TLR1: variants seen among roughly 807,000 people sequenced by gnomAD.
The protein encoded by TLR1 is toll-like receptor 1.
Under a neutral mutation model 20.2 loss-of-function variants are expected in TLR1, and 19 were observed. The observed-to-expected ratio is 0.94, with a 90% confidence interval of 0.66 to 1.38. TLR1 has a LOEUF of 1.38. TLR1 is among the 40% of genes most tolerant of loss of function. The pLI, the probability that TLR1 is intolerant of heterozygous loss-of-function variation, is 0.00. For missense variants in TLR1, 921 were observed against 910.0 expected, an observed-to-expected ratio of 1.01 and a Z score of -0.16; for synonymous variants, 320 against 334.5, an observed-to-expected ratio of 0.96 and a Z score of 0.47.
downstream of TLR1, among the ~76,000 whole-genome samples, chr4:38,788,774 A>ATTGGCCT (rs1725656073): frequency 6.6e-6 from 1 of 152,220 alleles, no homozygotes; most frequent in Non-Finnish European, 1.5e-5. Context: ...TGGGAGGCCA[A>ATTGGCCT]GGCAGGAGGA....
At chr4:38,799,497 C>A (rs1386002164) in intron 3 of TLR1, among the ~76,000 whole-genome samples, 3 of 152,146 alleles carry the variant, frequency 2.0e-5, no homozygotes, top group Non-Finnish European at 4.4e-5. Flanking sequence ...TCGACTTCTG[C>A]TCTCCAGAAC....
chr4:38,802,695 T>C (rs575851107), intron 2 of TLR1, among the ~76,000 whole-genome samples: 1 of 152,312 alleles, frequency 6.6e-6, no homozygotes, highest in East Asian at 1.9e-4. Flanking sequence ...ATCTAAAACT[T>C]CTTAATAAAC....
At chr4:38,790,730 C>T (rs1450227016), downstream of TLR1, 1 of 151,674 alleles carries the variant, frequency 6.6e-6, no homozygotes, top group African/African-American at 2.4e-5. Context: ...CAGAGTTAGG[C>T]TTTTACTTAT....
At chr4:38,790,074 C>T (rs1313694536), downstream of TLR1, among the ~76,000 whole-genome samples, 1 of 152,212 alleles carries the variant, frequency 6.6e-6, no homozygotes, top group Non-Finnish European at 1.5e-5. Flanking sequence ...AATCACCTCT[C>T]TCAAATTACT....
Position 38,798,851 on chromosome 4 carries a change from C to T in TLR1, c.-20G>A. On this transcript the variant is annotated 5_prime_UTR_variant, in exon 4 of 4. Coordinates refer to ENST00000308979, the MANE Select transcript of TLR1 (RefSeq NM_003263.4). ...AGTCATTTTGGAACACTAGACATTC[C>T]TAAAGGTAGAAGCTGTTCTTCAGAT... The T allele has an allele frequency of 6.5e-7, 1 of 1,540,846 alleles. No individual in the cohort carries two copies. The highest frequency in any genetic ancestry group is 8.8e-7 in the Non-Finnish European group (1 of 1,140,514).
At position 38,798,114 on chromosome 4, in the gene TLR1, G is replaced by A. The variant is rs753554650; in HGVS notation, c.718C>T (p.Leu240Phe). The A allele has an allele frequency of 7.4e-6, 12 of 1,613,650 alleles. No individual in the cohort carries two copies. The highest frequency in any genetic ancestry group is 6.8e-6 in the Non-Finnish European group (8 of 1,179,690). The stretch of plus-strand genomic sequence containing the variant: ...TTTGATAACTTTGGATTTGTTTGAA[G>A]TTTCGCCAGAATACTTAGGAAGTAA... ...CSYFLSILAK[L>F]QTNPKLSNLT... The change falls in exon 4 of 4, where the codon CTT becomes TTT. Residue 240 changes from leucine (L) to phenylalanine (F), a missense_variant. Transcript: ENST00000308979.
At chr4:38,790,649 T>A (rs906262907), downstream of TLR1, 10 of 152,246 alleles carry the variant, frequency 6.6e-5, no homozygotes, top group Admixed American at 2.6e-4. Context: ...TATTATTATT[T>A]TTTTTGATAA....
chr4:38,799,489 G>A (rs751947799), intron 3 of TLR1, among the ~76,000 whole-genome samples: 6 of 152,106 alleles, frequency 3.9e-5, no homozygotes, highest in Admixed American at 1.3e-4. Context: ...CTTGAGTTTC[G>A]ACTTCTGCTC....
downstream of TLR1, among the ~76,000 whole-genome samples, chr4:38,791,687 T>A (rs73142688): frequency 0.032 from 4,945 of 152,340 alleles, 109 homozygotes; most frequent in African/African-American, 0.053. Flanking sequence ...CAGTTCCATA[T>A]TTGTTGGTAT....
chr4:38,800,234 G>A (rs1726543528), intron 3 of TLR1, among the ~76,000 whole-genome samples: 1 of 152,176 alleles, frequency 6.6e-6, no homozygotes, highest in African/African-American at 2.4e-5. Context: ...GAAGGAACGG[G>A]AAGGTCAATG....
rs763705122 is a variant in TLR1 at position 38,797,803 on chromosome 4, G to A, written c.1029C>T (p.Cys343=). 1 of 1,614,060 alleles carries A rather than the reference G, an allele frequency of 6.2e-7. No individual in the cohort carries two copies. The highest frequency in any genetic ancestry group is 1.1e-5 in the South Asian group (1 of 91,076). The stretch of plus-strand genomic sequence containing the variant: ...GCAGGAACGGGCTAATTTTGGATGG[G>A]CAAAGCATGTGGACCATGCGTGTAC... ...VSGTRMVHML[C]PSKISPFLHL... Residue 343 remains cysteine (C), a synonymous_variant, in exon 4 of 4, where the codon TGC becomes TGT. Transcript: ENST00000308979.
downstream of TLR1, among the ~76,000 whole-genome samples, chr4:38,796,101 G>T (rs1316776618): frequency 2.0e-5 from 3 of 152,158 alleles, no homozygotes; most frequent in Non-Finnish European, 1.5e-5. Context: ...GTAGAAATCT[G>T]CTATACAAAC....
In TLR1 at chr4:38,797,705, G is replaced by A; in HGVS notation, c.1127C>T (p.Thr376Ile). The A allele has an allele frequency of 6.2e-7, 1 of 1,613,852 alleles. No individual in the cohort carries two copies. ...TAATTGATTCATTTGTAAAATAAGT[G>A]TCTCCAACTCAGTAAGGTGCCCACA... The part of the protein sequence containing the change: ...ENCGHLTELE[T>I]LILQMNQLKE... Residue 376 changes from threonine (T) to isoleucine (I), a missense_variant, in exon 4 of 4, where the codon ACA becomes ATA. Physicochemically the swap from Thr to Ile is moderately conservative, Grantham distance 89 (BLOSUM62 -1). Coordinates refer to ENST00000308979, the MANE Select transcript of TLR1 (RefSeq NM_003263.4).
rs1560457109 is a variant in TLR1, at chr4:38,797,126, T to A, written c.1706A>T (p.Asp569Val). The A allele has an allele frequency of 2.5e-6, 4 of 1,614,120 alleles. No homozygotes were observed. The highest frequency in any genetic ancestry group is 1.3e-5 in the African/African-American group (1 of 74,946). Residue 569 changes from aspartate to valine, a missense_variant, in exon 4 of 4, where the codon GAC becomes GTC. Physicochemically the swap from Asp to Val is radical, Grantham distance 152 (BLOSUM62 -3). Transcript: ENST00000308979. ...PESYRGTLLK[D>V]FHMSELSCNI... is the part of the protein sequence containing the mutation. ...GCAGGATAATTCAGACATGTGAAAG[T>A]CCTTTAGTAGGGTTCCTCTATAACT...
downstream of TLR1, chr4:38,796,146 A>G (rs924466612): frequency 2.7e-5 from 7 of 255,754 alleles, no homozygotes; most frequent in African/African-American, 6.7e-5. Flanking sequence ...GCATTTTCCA[A>G]TATTGGCCAT....
At chr4:38,792,181 C>T (rs1206675052), downstream of TLR1, among the ~76,000 whole-genome samples, 1 of 152,174 alleles carries the variant, frequency 6.6e-6, no homozygotes, top group Non-Finnish European at 1.5e-5. Context: ...GAAATTGAGC[C>T]AGGATTTAAT....
chr4:38,795,767 C>G (rs754263736), downstream of TLR1, among the ~76,000 whole-genome samples: 5 of 152,206 alleles, frequency 3.3e-5, no homozygotes, highest in Non-Finnish European at 7.3e-5. Context: ...GTCGAGAATA[C>G]TTAATCAAGC....
At chr4:38,793,214 C>T (rs1725830420), downstream of TLR1, among the ~76,000 whole-genome samples, 1 of 152,084 alleles carries the variant, frequency 6.6e-6, no homozygotes, top group Admixed American at 6.6e-5. Flanking sequence ...TCAACAGTAC[C>T]ACTTGGAAAG....
downstream of TLR1, among the ~76,000 whole-genome samples, chr4:38,791,612 C>T (rs1232771945): frequency 6.6e-6 from 1 of 152,096 alleles, no homozygotes; most frequent in Non-Finnish European, 1.5e-5. Context: ...TGTCTCTTTT[C>T]TGATTTTATT....
Sources: allele counts gnomAD v4.1 joint callset (sites outside exome capture counted in the v4.1 genomes callset), GRCh38; gene constraint gnomAD v4.1.1; transcripts MANE v1.5; gene names NCBI Gene and HGNC (gene_info 2026-07-23, HGNC 2026-07-21).